The following CD163L1 variants were observed in gnomAD, a reference collection of about 807,000 sequenced individuals.
CD163L1 encodes the protein CD163 molecule like 1.
In CD163L1, 124 loss-of-function variants were observed where a neutral mutation model predicts 165.4. The ratio of observed to expected loss-of-function variants is 0.75; its 90% CI spans 0.65 to 0.87. The LOEUF (loss-of-function observed/expected upper bound fraction) is 0.87, where lower values mean the gene tolerates loss of function less well. Ranked by LOEUF, CD163L1 falls within the 40% of genes least tolerant of loss-of-function variation. CD163L1 has a pLI of 0.00. For missense variants in CD163L1, 1,525 were observed against 1,799.9 expected, an observed-to-expected ratio of 0.85 and a Z score of 2.76; for synonymous variants, 585 against 662.2, an observed-to-expected ratio of 0.88 and a Z score of 1.79.
chr12:7,419,017 C>A (rs938739902), intron 4 of CD163L1, among the ~76,000 whole-genome samples: 2 of 151,980 alleles, frequency 1.3e-5, no homozygotes, highest in Non-Finnish European at 2.9e-5. Flanking sequence ...CTCCGTAAAT[C>A]ATCCTGTGAA....
the CD163L1 span, chr12:7,328,288 T>TG: frequency 3.8e-6 from 6 of 1,579,266 alleles, no homozygotes; most frequent in African/African-American, 8.1e-5. Flanking sequence ...GTCAATTAGG[T>TG]GGAATTTGTT....
chr12:7,401,271 A>G (rs1947910850), intron 6 of CD163L1, among the ~76,000 whole-genome samples: 1 of 152,086 alleles, frequency 6.6e-6, no homozygotes. Flanking sequence ...GGCACACCAT[A>G]AATATTCAAT....
chr12:7,414,088 G>A (rs1171472833), intron 4 of CD163L1, among the ~76,000 whole-genome samples: 1 of 152,006 alleles, frequency 6.6e-6, no homozygotes, highest in Non-Finnish European at 1.5e-5. Context: ...CACTACCAAA[G>A]GAACAAAATA....
intron 14 of CD163L1, 49 bp downstream of exon 14, chr12:7,373,271 T>C: frequency 6.7e-7 from 1 of 1,490,482 alleles, no homozygotes; most frequent in Non-Finnish European, 9.1e-7. Context: ...TATGGTAAGT[T>C]ATATTTCACA....
In CD163L1 at chr12:7,374,479, G is replaced by T; in HGVS notation, c.3372C>A (p.Asp1124Glu). 6.2e-7 allele frequency: 1 copy of T among 1,614,114 alleles called. No individual in the cohort carries two copies. Among genetic ancestry groups the T allele is most frequent in the Non-Finnish European group, 8.5e-7 (1 of 1,179,996 alleles). The change falls in exon 13 of 20, where the codon GAC (aspartate) becomes GAA (glutamate). Residue 1124 changes from aspartate to glutamate, a missense_variant. Coordinates refer to ENST00000313599, the MANE Select transcript of CD163L1 (RefSeq NM_174941.6). This position sits in a 1 kb window ranked among gnomAD's most constrained non-coding sequence, Gnocchi z 5.4. Reference sequence around the variant, plus strand: ...CCCCTGCGTCCTCCTTGTGCCTGCAGTCGTGCTGCCCCCAGCCGCGGGAAG... The same window carrying T: ...CCCCTGCGTCCTCCTTGTGCCTGCATTCGTGCTGCCCCCAGCCGCGGGAAG... Reference protein sequence around the residue: ...QCPSRGWGQHDCRHKEDAGVI... With the variant: ...QCPSRGWGQHECRHKEDAGVI...
chr12:7,362,287 T>A (rs1476299785), intron 18 of CD163L1, among the ~76,000 whole-genome samples: 1 of 141,224 alleles, frequency 7.1e-6, no homozygotes, highest in Non-Finnish European at 1.5e-5. Context: ...TATTATAGAT[T>A]ATATAGTAAT....
At chr12:7,322,297 T>C in the CD163L1 span, 42 of 1,372,430 alleles carry the variant, frequency 3.1e-5, 1 homozygote, top group Non-Finnish European at 4.0e-5. Flanking sequence ...ATTTGTTGAA[T>C]GAACTTTGCT....
chr12:7,379,331 G>A, intron 8 of CD163L1, 33 bp from the exon 9 acceptor site: 3 of 1,602,016 alleles, frequency 1.9e-6, no homozygotes, highest in Non-Finnish European at 1.7e-6. Context: ...TTTTAGAGAA[G>A]CACTCTATGT....
the CD163L1 span, chr12:7,322,643 A>G: frequency 5.6e-6 from 8 of 1,434,398 alleles, no homozygotes; most frequent in Non-Finnish European, 6.5e-6. Context: ...GTAAATTTTT[A>G]TAGAGTTTCC....
rs1207577358 is a variant in CD163L1 at position 7,409,277 on chromosome 12, T to C, written c.767-2425A>G. Among the ~76,000 whole-genome samples, 4 of 152,286 alleles carry C rather than the reference T, an allele frequency of 2.6e-5. No homozygotes were observed. In the East Asian group the frequency reaches 7.7e-4, roughly 29 times the overall value. ...TTTTATTTTTGTATACTAATTTATG[T>C]AAAATCTGCCTAAATGTAGCACACA... On this transcript the variant is annotated intron_variant, in intron 4 of 19. Transcript: ENST00000313599.
At chr12:7,344,519 T>C (rs1423036915), downstream of CD163L1, among the ~76,000 whole-genome samples, 1 of 152,228 alleles carries the variant, frequency 6.6e-6, no homozygotes, top group Admixed American at 6.5e-5. Context: ...CATGCTGAGA[T>C]TGAAAACTGC....
intron 4 of CD163L1, among the ~76,000 whole-genome samples, chr12:7,419,391 A>G (rs1031332657): frequency 3.9e-4 from 60 of 152,310 alleles, no homozygotes; most frequent in African/African-American, 1.4e-3. Flanking sequence ...GCAAACCCAC[A>G]GCCAACATTC....
intron 4 of CD163L1, among the ~76,000 whole-genome samples, chr12:7,421,908 G>A (rs1299914130): frequency 6.6e-6 from 1 of 151,972 alleles, no homozygotes; most frequent in Non-Finnish European, 1.5e-5. Context: ...TCCTGACAAG[G>A]AGGGTTCTAC....
At chr12:7,348,470 G>T (rs1946685724) in intron 4 of CD163L1, among the ~76,000 whole-genome samples, 1 of 152,176 alleles carries the variant, frequency 6.6e-6, no homozygotes, top group African/African-American at 2.4e-5. Context: ...GTCTATTCCA[G>T]CCCATCCATT....
chr12:7,439,887 C>T, intron 2 of CD163L1: 8 of 1,605,840 alleles, frequency 5.0e-6, no homozygotes, highest in Non-Finnish European at 6.8e-6. Context: ...TATCCCCGCC[C>T]ACTACTCCAA....
chr12:7,441,116 G>A (rs763641825), intron 2 of CD163L1, 38 bp downstream of exon 2: 19 of 1,429,236 alleles, frequency 1.3e-5, no homozygotes, highest in Non-Finnish European at 1.8e-5. Flanking sequence ...TAGAATAGAG[G>A]ATTGTAAGCC....
the CD163L1 span, chr12:7,327,004 C>A: frequency 3.7e-5 from 59 of 1,612,120 alleles, 1 homozygote; most frequent in East Asian, 1.3e-3. Context: ...GTCTTAGCTG[C>A]ACCCTTTAAG....
At position 7,372,039 on chromosome 12, in the gene CD163L1, A is replaced by G. The variant is rs2136419806; in HGVS notation, c.3730+1281T>C. On this transcript the variant is annotated intron_variant, in intron 14 of 19. Coordinates refer to ENST00000313599, the MANE Select transcript of CD163L1 (RefSeq NM_174941.6). This position sits in a 1 kb window ranked among gnomAD's most constrained non-coding sequence, Gnocchi z 4.2. ...TTGGGGAATGATATTATTTTGTGAT[A>G]CAATTACAATAGTAAAAAGAAGCAA... Among the ~76,000 whole-genome samples the G allele has an allele frequency of 6.6e-6, 1 of 152,104 alleles. No homozygotes were observed. The highest frequency in any genetic ancestry group is 2.1e-4 in the South Asian group (1 of 4,830).
the CD163L1 span, among the ~76,000 whole-genome samples, chr12:7,323,877 T>TA: frequency 6.6e-6 from 1 of 152,120 alleles, no homozygotes; most frequent in Non-Finnish European, 1.5e-5. Flanking sequence ...AACTATCTTT[T>TA]AAAAAAATTT....
Sources: gnomAD v4.1 joint callset for allele counts (sites outside exome capture counted in the v4.1 genomes callset) on GRCh38, gnomAD v4.1.1 for gene constraint, Gnocchi (gnomAD v3.1) non-coding constraint, MANE v1.5 for transcripts, NCBI Gene and HGNC (gene_info 2026-07-23, HGNC 2026-07-21) for gene names.